Variants in AKR1C4 observed in about 807,000 individuals in gnomAD.
AKR1C4 encodes the protein 3-alpha-HSD1.
In AKR1C4, 44 loss-of-function variants were observed where a neutral mutation model predicts 41.0. The observed-to-expected ratio is 1.07, with a 90% CI of 0.84 to 1.38. AKR1C4 has a LOEUF of 1.38. Among genes scored for constraint, AKR1C4 ranks in the 40% most tolerant of loss-of-function variants. The pLI, the probability that AKR1C4 is intolerant of heterozygous loss-of-function variation, is 0.00. For synonymous variants in AKR1C4, 165 were observed against 137.7 expected, an observed-to-expected ratio of 1.20 and a Z score of -1.39; for missense variants, 438 against 387.9, an observed-to-expected ratio of 1.13 and a Z score of -1.09.
intron 5 of AKR1C4, among the ~76,000 whole-genome samples, chr10:5,208,383 A>G (rs1325128783): frequency 6.6e-6 from 1 of 151,634 alleles, no homozygotes; most frequent in African/African-American, 2.4e-5. Flanking sequence ...TGGTTTTAAT[A>G]TTAGTTTTAC....
At chr10:5,216,897 A>G (rs1832665202) in intron 8 of AKR1C4, 104 bp downstream of exon 8, 3 of 728,336 alleles carry the variant, frequency 4.1e-6, no homozygotes, top group Non-Finnish European at 7.0e-6. Flanking sequence ...GGCCAGTGCA[A>G]GTGAGAGGTG....
chr10:5,218,731 C>A lies in AKR1C4; in HGVS notation c.943C>A (p.Pro315Thr). Residue 315 changes from proline to threonine, a missense_variant, in exon 9 of 9, where the codon CCT becomes ACT. Transcript: ENST00000263126. Reference protein sequence around the residue: ...YVVMDFLMDHPDYPFSDEY With the variant: ...YVVMDFLMDHTDYPFSDEY ...TTCTCTTTTCAGTCTTATGGACCATCCTGATTATCCATTTTCAGATGAATA... is the reference window on the plus strand; with the variant it reads ...TTCTCTTTTCAGTCTTATGGACCATACTGATTATCCATTTTCAGATGAATA... 1 of 1,603,026 alleles carries A rather than the reference C, an allele frequency of 6.2e-7. No individual in the cohort carries two copies.
chr10:5,218,723 T>C lies in AKR1C4; in HGVS notation c.935T>C (p.Met312Thr). 3 of 1,600,004 alleles carry C rather than the reference T, an allele frequency of 1.9e-6. No individual in the cohort carries two copies. The highest frequency in any genetic ancestry group is 2.2e-5 in the East Asian group (1 of 44,790). The part of the protein sequence containing the change: ...NYRYVVMDFL[M>T]DHPDYPFSDE... ...ACTATCCTTTCTCTTTTCAGTCTTA[T>C]GGACCATCCTGATTATCCATTTTCA... is the stretch of plus-strand genomic sequence containing the variant. The change falls in exon 9 of 9, where the codon ATG becomes ACG. Residue 312 changes from methionine (M) to threonine (T), a missense_variant. Transcript: ENST00000263126.
At chr10:5,217,402 T>C (rs1449464202) in intron 8 of AKR1C4, among the ~76,000 whole-genome samples, 1 of 152,246 alleles carries the variant, frequency 6.6e-6, no homozygotes, top group African/African-American at 2.4e-5. Flanking sequence ...CTCTTGGCTT[T>C]AATTTTTGCA....
intron 1 of AKR1C4, among the ~76,000 whole-genome samples, chr10:5,198,397 G>A (rs1832344350): frequency 6.6e-6 from 1 of 152,154 alleles, no homozygotes; most frequent in Non-Finnish European, 1.5e-5. Context: ...ACTGATAAGG[G>A]TAGCATCTAT....
At chr10:5,204,070 T>C (rs562557143) in intron 2 of AKR1C4, among the ~76,000 whole-genome samples, 34 of 152,236 alleles carry the variant, frequency 2.2e-4, no homozygotes, top group Non-Finnish European at 4.1e-4. Context: ...TCGGGTTCAA[T>C]GGATGAGAAA....
intron 1 of AKR1C4, 81 bp from the exon 2 acceptor site, chr10:5,200,100 G>A: frequency 6.5e-7 from 1 of 1,541,436 alleles, no homozygotes; most frequent in East Asian, 2.3e-5. Context: ...TGCACACCCT[G>A]TGAGGACAAG....
chr10:5,204,205 T>C (rs942601309), intron 2 of AKR1C4, among the ~76,000 whole-genome samples, 172 bp from the exon 3 acceptor site: 3 of 149,482 alleles, frequency 2.0e-5, no homozygotes, highest in African/African-American at 7.3e-5. Context: ...ACTAACTATA[T>C]ATGCAATATG....
chr10:5,206,225 A>C (rs1237464203), intron 4 of AKR1C4, 50 bp from the exon 5 acceptor site: 3 of 1,612,620 alleles, frequency 1.9e-6, no homozygotes, highest in East Asian at 2.2e-5. Context: ...CATTTATCAT[A>C]ATCTGCAGCC....
rs782341542 is a variant in AKR1C4 at position 5,200,297 on chromosome 10, C to T, written c.201C>T (p.Ser67=). The T allele has an allele frequency of 6.2e-7, 1 of 1,614,154 alleles. No individual in the cohort carries two copies. The highest frequency in any genetic ancestry group is 8.5e-7 in the Non-Finnish European group (1 of 1,179,994). The change falls in exon 2 of 9, where the codon AGC becomes AGT. Residue 67 remains serine (S), a synonymous_variant. Transcript: ENST00000263126. ...NEEQVGLAIR[S]KIADGSVKRE... ...AGCAGGTTGGACTGGCCATCCGAAGCAAGATTGCAGATGGCAGTGTGAAGA... is the reference window on the plus strand; with the variant it reads ...AGCAGGTTGGACTGGCCATCCGAAGTAAGATTGCAGATGGCAGTGTGAAGA...
At chr10:5,210,943 A>G (rs1401026378) in intron 5 of AKR1C4, among the ~76,000 whole-genome samples, 1 of 152,190 alleles carries the variant, frequency 6.6e-6, no homozygotes, top group African/African-American at 2.4e-5. Flanking sequence ...GTGCACACAT[A>G]GGCTCACTAC....
chr10:5,212,997 G>A lies in AKR1C4; in HGVS notation c.684G>A (p.Val228=), dbSNP rs984237872. Residue 228 remains valine, a synonymous_variant, in exon 7 of 9, where the codon GTG becomes GTA. Coordinates refer to ENST00000263126, the MANE Select transcript of AKR1C4 (RefSeq NM_001818.5). ...GCATTTCTGGCTTTCCTTCCAGGGT[G>A]GACCCAAACTCCCCAGTTCTTTTGG... ...ALGTQRHKLW[V]DPNSPVLLED... 1 of 1,613,966 alleles carries A rather than the reference G, an allele frequency of 6.2e-7. No homozygotes were observed. Among genetic ancestry groups the A allele is most frequent in the Non-Finnish European group, 8.5e-7 (1 of 1,179,920 alleles).
chr10:5,201,730 T>G (rs1479226919), intron 2 of AKR1C4, among the ~76,000 whole-genome samples: 1 of 152,210 alleles, frequency 6.6e-6, no homozygotes, highest in Admixed American at 6.5e-5. Flanking sequence ...CTTCTAAAAT[T>G]TTTATGGTTT....
intron 5 of AKR1C4, among the ~76,000 whole-genome samples, chr10:5,207,952 G>A (rs562871242): frequency 4.6e-5 from 7 of 151,790 alleles, no homozygotes; most frequent in Admixed American, 6.5e-5. Context: ...CTTCTCCCTA[G>A]CCCACAAATA....
chr10:5,210,147 T>A (rs1330806552), intron 5 of AKR1C4, among the ~76,000 whole-genome samples: 1 of 152,114 alleles, frequency 6.6e-6, no homozygotes, highest in Non-Finnish European at 1.5e-5. Flanking sequence ...CCCATGCAAG[T>A]CTGAAATCCA....
Position 5,213,055 on chromosome 10 carries a change from CACAA to C in AKR1C4, c.749_752del (p.Gln250ProfsTer4). 6.2e-7 allele frequency: 1 copy of C among 1,614,152 alleles called. No individual in the cohort carries two copies. The highest frequency in any genetic ancestry group is 1.1e-5 in the South Asian group (1 of 91,078). The stretch of plus-strand genomic sequence containing the variant: ...AGTTCTTTGTGCCTTAGCAAAGAAA[CACAA>C]ACAAACCCCAGCCCTGATTGCCCTG... On this transcript the variant is annotated frameshift_variant, in exon 7 of 9. Coordinates refer to ENST00000263126, the MANE Select transcript of AKR1C4 (RefSeq NM_001818.5). LOFTEE classifies it high-confidence loss of function.
intron 5 of AKR1C4, 105 bp downstream of exon 5, chr10:5,206,502 G>T (rs1832489688): frequency 6.4e-7 from 1 of 1,561,454 alleles, no homozygotes; most frequent in Non-Finnish European, 8.7e-7. Context: ...TGAAACAGAA[G>T]ATTCTAGAAA....
At chr10:5,202,744 G>A (rs1199977070) in intron 2 of AKR1C4, among the ~76,000 whole-genome samples, 1 of 151,904 alleles carries the variant, frequency 6.6e-6, no homozygotes, top group Admixed American at 6.6e-5. Context: ...TGATCCTATG[G>A]TTTTGGTTTT....
intron 3 of AKR1C4, among the ~76,000 whole-genome samples, 166 bp from the exon 4 acceptor site, chr10:5,205,591 A>G (rs1168585047): frequency 6.6e-6 from 1 of 152,208 alleles, no homozygotes; most frequent in South Asian, 2.1e-4. Context: ...CCTGTCTCCT[A>G]AAGACATTCC....
Sources: gnomAD v4.1 joint callset for allele counts (sites outside exome capture counted in the v4.1 genomes callset) on GRCh38, gnomAD v4.1.1 for gene constraint, MANE v1.5 for transcripts, NCBI Gene and HGNC (gene_info 2026-07-23, HGNC 2026-07-21) for gene names.